The following HOOK2 variants were observed in gnomAD, a reference collection of about 807,000 sequenced individuals.
HOOK2 encodes the protein hook microtubule tethering protein 2, also known as protein Hook homolog 2.
A neutral mutation model predicts 111.9 loss-of-function variants in HOOK2; 108 were observed. The ratio of observed to expected loss-of-function variants is 0.96; its 90% CI spans 0.83 to 1.13. The LOEUF (loss-of-function observed/expected upper bound fraction) is 1.13, where lower values mean the gene tolerates loss of function less well. Ranked by LOEUF, HOOK2 falls within the 50% of genes most tolerant of loss-of-function variation. The pLI is 0.00. For synonymous variants in HOOK2, 405 were observed against 394.3 expected (o/e 1.03, Z -0.32); for missense variants, 978 against 951.3 (o/e 1.03, Z -0.37).
At chr19:12,775,292 G>C (rs1968466324) in intron 1 of HOOK2, 113 bp downstream of exon 1, 2 of 1,493,752 alleles carry the variant, frequency 1.3e-6, no homozygotes, top group Non-Finnish European at 1.8e-6. Context: ...CCAGCAAGTC[G>C]ACGACCCCGC....
rs754486695 is a variant in HOOK2 at position 12,775,479 on chromosome 19, G to C, written c.-30C>G. The C allele has an allele frequency of 1.3e-5, 21 of 1,599,364 alleles. No individual in the cohort carries two copies. The highest frequency in any genetic ancestry group is 7.7e-6 in the Non-Finnish European group (9 of 1,174,694). ...CCCGATCGGATTCAATCCAGGCCAC[G>C]GAGCCCCGGCGCCGCAGCAGCCTCC... On this transcript the variant is annotated 5_prime_UTR_variant, in exon 1 of 23. Coordinates refer to ENST00000397668, the MANE Select transcript of HOOK2 (RefSeq NM_013312.3).
At chr19:12,771,712 T>A in intron 7 of HOOK2, 1 of 530,628 alleles carries the variant, frequency 1.9e-6, no homozygotes, top group African/African-American at 1.9e-5. Context: ...GCGAACCCCT[T>A]CTCTACTAAA....
At position 12,773,054 on chromosome 19, in the gene HOOK2, A is replaced by C. The variant is rs1968384191; in HGVS notation, c.205-10T>G. On this transcript the variant is annotated splice_polypyrimidine_tract_variant and intron_variant, in intron 3 of 22. Transcript: ENST00000397668. Reference sequence around the variant, plus strand: ...TCTTCAGATTGCTGACCTAGGGAGGAACAAGGAACTGTGGACAAGTTCAGA... The same window carrying C: ...TCTTCAGATTGCTGACCTAGGGAGGCACAAGGAACTGTGGACAAGTTCAGA... 3.1e-6 allele frequency: 5 copies of C among 1,613,806 alleles called. No homozygotes were observed. Among genetic ancestry groups the C allele is most frequent in the African/African-American group, 1.3e-5 (1 of 74,856 alleles).
At chr19:12,775,366 C>G in intron 1 of HOOK2, 39 bp downstream of exon 1, 1 of 1,601,500 alleles carries the variant, frequency 6.2e-7, no homozygotes, top group Non-Finnish European at 8.5e-7. Flanking sequence ...GCAAGAGGAG[C>G]GGGCGCTCAC....
At chr19:12,777,798 C>A (rs1237437875), upstream of HOOK2, among the ~76,000 whole-genome samples, 1 of 152,258 alleles carries the variant, frequency 6.6e-6, no homozygotes, top group Non-Finnish European at 1.5e-5. Flanking sequence ...CGCCCTGAAA[C>A]CCCGGCTGGG....
intron 11 of HOOK2, among the ~76,000 whole-genome samples, chr19:12,768,744 A>G (rs558311988): frequency 6.6e-6 from 1 of 152,136 alleles, no homozygotes; most frequent in East Asian, 1.9e-4. Flanking sequence ...AAGTGCTGGG[A>G]TTATAGGCAT....
intron 3 of HOOK2, among the ~76,000 whole-genome samples, chr19:12,789,508 G>A (rs957013131): frequency 3.3e-5 from 5 of 152,160 alleles, no homozygotes; most frequent in African/African-American, 1.2e-4. Flanking sequence ...AAACGAGAGT[G>A]GGGCCCCTGA....
chr19:12,778,467 G>C (rs1380855109), upstream of HOOK2: 1 of 152,298 alleles, frequency 6.6e-6, no homozygotes, highest in Non-Finnish European at 1.5e-5. Flanking sequence ...GGCAGCGCTG[G>C]CTTCCGGACT....
At chr19:12,792,089 G>A in intron 3 of HOOK2, 1 of 1,602,922 alleles carries the variant, frequency 6.2e-7, no homozygotes, top group Non-Finnish European at 8.5e-7. Context: ...CTACACCCCC[G>A]GGACAGTACT....
At chr19:12,766,353 C>G (rs1968146430) in intron 14 of HOOK2, 113 bp from the exon 15 acceptor site, 1 of 1,324,978 alleles carries the variant, frequency 7.5e-7, no homozygotes, top group Non-Finnish European at 1.0e-6. Context: ...AGAGCCCAGC[C>G]AGACCATGGG....
At position 12,764,842 on chromosome 19, in the gene HOOK2, T is replaced by C. The variant is rs769407794; in HGVS notation, c.1799A>G (p.Tyr600Cys). 6 of 1,613,880 alleles carry C rather than the reference T, an allele frequency of 3.7e-6. No homozygotes were observed. The highest frequency in any genetic ancestry group is 1.7e-4 in the Middle Eastern group (1 of 6,020). The change falls in exon 20 of 23, where the codon TAC (tyrosine) becomes TGC (cysteine). Residue 600 changes from tyrosine (Y) to cysteine (C), a missense_variant. Physicochemically the swap from Tyr to Cys is radical, Grantham distance 194. Coordinates refer to ENST00000397668, the MANE Select transcript of HOOK2 (RefSeq NM_013312.3). ...DADLRAMEER[Y>C]RRYVDKARMV... Reference sequence around the variant, plus strand: ...GCGGGCCTTGTCCACGTAGCGGCGGTATCGCTCCTCCATGGCCCGCAAGTC... The same window carrying C: ...GCGGGCCTTGTCCACGTAGCGGCGGCATCGCTCCTCCATGGCCCGCAAGTC...
In HOOK2 at chr19:12,771,388, G is replaced by C; in HGVS notation, c.600+9C>G. 1 of 1,612,562 alleles carries C rather than the reference G, an allele frequency of 6.2e-7. No homozygotes were observed. The highest frequency in any genetic ancestry group is 8.5e-7 in the Non-Finnish European group (1 of 1,179,390). ...TACTCAAGTGACCCTGCCCCACCTAGGGCCCTACCTGCCGCTCCAGATCCA... is the reference window on the plus strand; with the variant it reads ...TACTCAAGTGACCCTGCCCCACCTACGGCCCTACCTGCCGCTCCAGATCCA... On this transcript the variant is annotated intron_variant, in intron 8 of 22. Transcript: ENST00000397668.
rs1008707680 is a variant in HOOK2 at position 12,765,758 on chromosome 19, T to A, written c.1606-34A>T. On this transcript the variant is annotated intron_variant, in intron 17 of 22. Transcript: ENST00000397668. The stretch of plus-strand genomic sequence containing the variant: ...GAGAAGAGGCAAGGTGAGTGGGGGA[T>A]CCAGAGAGGCCCTAATTCTTCCTTC... 5 of 1,614,028 alleles carry A rather than the reference T, an allele frequency of 3.1e-6. No homozygotes were observed. In the African/African-American group the frequency reaches 6.7e-5, roughly 22 times the overall value.
chr19:12,791,838 G>T lies in HOOK2; in HGVS notation n.42-17613C>A, dbSNP rs1475565285. 2 of 1,613,560 alleles carry T rather than the reference G, an allele frequency of 1.2e-6. No homozygotes were observed. Among genetic ancestry groups the T allele is most frequent in the South Asian group, 1.1e-5 (1 of 91,064 alleles). ...ATACACAGCTACGGGATACGGCCGG[G>T]CCCCTGGTGGCCTCTCTCTACACGA... On this transcript the variant is annotated intron_variant and non_coding_transcript_variant, in intron 3 of 3. Coordinates refer to the HOOK2 transcript ENST00000589765. This position sits in a 1 kb window ranked among gnomAD's most constrained non-coding sequence, Gnocchi z 7.0.
rs1046922493 is a variant in HOOK2 at position 12,791,624 on chromosome 19, C to T, written n.42-17399G>A. 3 of 566,032 alleles carry T rather than the reference C, an allele frequency of 5.3e-6. No individual in the cohort carries two copies. The East Asian group carries it at 9.6e-5, about 18-fold the overall frequency. The allele number at this position is 566,032 out of a possible 1,614,324, so 35.1% of individuals were successfully genotyped here. On this transcript the variant is annotated intron_variant and non_coding_transcript_variant, in intron 3 of 3. Coordinates refer to the HOOK2 transcript ENST00000589765. The surrounding 1 kb of genome is among the most constrained non-coding windows in gnomAD (Gnocchi z 7.0). ...TGACAGGGCTTTTGCGCACAGCTGCCGGCTGGCTGCTACCCGCCCGCGCCA... is the reference window on the plus strand; with the variant it reads ...TGACAGGGCTTTTGCGCACAGCTGCTGGCTGGCTGCTACCCGCCCGCGCCA...
chr19:12,791,877 A>C lies in HOOK2; in HGVS notation n.42-17652T>G. The C allele has an allele frequency of 6.2e-7, 1 of 1,613,530 alleles. No individual in the cohort carries two copies. The highest frequency in any genetic ancestry group is 8.5e-7 in the Non-Finnish European group (1 of 1,179,888). On this transcript the variant is annotated intron_variant and non_coding_transcript_variant, in intron 3 of 3. Coordinates refer to the HOOK2 transcript ENST00000589765. The surrounding 1 kb of genome is among the most constrained non-coding windows in gnomAD (Gnocchi z 7.0). ...CTCTCTACACGACTACAAACTCCTG[A>C]AACCGAGCCTGGCGGTCAACCTGGC...
chr19:12,767,390 G>A lies in HOOK2; in HGVS notation c.1373+5C>T, dbSNP rs554329129. On this transcript the variant is annotated splice_donor_5th_base_variant and intron_variant, in intron 14 of 22. Coordinates refer to ENST00000397668, the MANE Select transcript of HOOK2 (RefSeq NM_013312.3). ...GGGCCAGAGTTTTGAGTGACCCCAG[G>A]ATACCTGAGCTCCGCAGGCAGGATC... 6.2e-7 allele frequency: 1 copy of A among 1,613,502 alleles called. No individual in the cohort carries two copies. The highest frequency in any genetic ancestry group is 1.1e-5 in the South Asian group (1 of 91,064).
In HOOK2 at chr19:12,791,718, C is replaced by G; in HGVS notation, n.42-17493G>C. 2 of 1,353,314 alleles carry G rather than the reference C, an allele frequency of 1.5e-6. No individual in the cohort carries two copies. Among genetic ancestry groups the G allele is most frequent in the Non-Finnish European group, 2.0e-6 (2 of 992,636 alleles). The allele number at this position is 1,353,314 out of a possible 1,614,324, so 83.8% of individuals were successfully genotyped here. On this transcript the variant is annotated intron_variant and non_coding_transcript_variant, in intron 3 of 3. Coordinates refer to the HOOK2 transcript ENST00000589765. The surrounding 1 kb of genome is among the most constrained non-coding windows in gnomAD (Gnocchi z 7.0). The stretch of plus-strand genomic sequence containing the variant: ...GCGGAGAGCTCGCCGCTCGCTGCAG[C>G]GAGGCCCGGAGCGGCCCCGCAGGGA...
chr19:12,775,213 C>A, intron 1 of HOOK2, 192 bp downstream of exon 1: 1 of 985,380 alleles, frequency 1.0e-6, no homozygotes, highest in Non-Finnish European at 1.2e-6. Flanking sequence ...AGGGGCGGGG[C>A]CTCACCTGTC....
Sources: allele counts gnomAD v4.1 joint callset (sites outside exome capture counted in the v4.1 genomes callset), GRCh38; gene constraint gnomAD v4.1.1; non-coding constraint Gnocchi (gnomAD v3.1); transcripts MANE v1.5; gene names NCBI Gene and HGNC (gene_info 2026-07-23, HGNC 2026-07-21).